The following MAK variants were observed in gnomAD, a reference collection of about 807,000 sequenced individuals.
The protein encoded by MAK is male germ cell associated kinase, also known as serine/threonine-protein kinase MAK.
MAK carries 65 observed loss-of-function variants against 82.6 expected under a neutral mutation model. The observed-to-expected ratio is 0.79, with a 90% CI of 0.64 to 0.97. The LOEUF is 0.97. Among genes scored for constraint, MAK ranks in the 50% least tolerant of loss-of-function variants. MAK has a pLI of 0.00. For missense variants in MAK, 703 were observed against 780.2 expected (o/e 0.90, Z 1.18); for synonymous variants, 250 against 274.2 (o/e 0.91, Z 0.87).
In MAK at chr6:10,763,554, A is replaced by G; in HGVS notation, c.*898T>C. On this transcript the variant is annotated 3_prime_UTR_variant, in exon 15 of 15. Transcript: ENST00000354489. ...AAAGATAAATTTATTTCTAAAAAAA[A>G]AAAAAAAAAGCTGGGCACTGTGGCT... The G allele has an allele frequency of 6.6e-6, 1 of 151,852 alleles. No individual in the cohort carries two copies. Among genetic ancestry groups the G allele is most frequent in the East Asian group, 1.9e-4 (1 of 5,186 alleles). The allele number at this position is 151,852 out of a possible 1,614,324, so 9.4% of individuals were successfully genotyped here. A position where few individuals can be genotyped will look rare whatever the true frequency, so the allele number is the denominator to read the frequency against.
chr6:10,777,700 G>A (rs1283530758), intron 11 of MAK, among the ~76,000 whole-genome samples: 3 of 152,070 alleles, frequency 2.0e-5, no homozygotes, highest in Non-Finnish European at 4.4e-5. Context: ...GTGCAATGGC[G>A]TGATCTCAGC....
intron 5 of MAK, among the ~76,000 whole-genome samples, chr6:10,809,308 A>G (rs954400088): frequency 1.3e-5 from 2 of 152,184 alleles, no homozygotes; most frequent in Non-Finnish European, 2.9e-5. Context: ...CTATTGTGCA[A>G]TAGAGGAGGA....
rs1239811074 is a variant in MAK at position 10,784,446 on chromosome 6, C to A, written c.1443G>T (p.Leu481Phe). 1.2e-6 allele frequency: 2 copies of A among 1,614,160 alleles called. No individual in the cohort carries two copies. Among genetic ancestry groups the A allele is most frequent in the Non-Finnish European group, 1.7e-6 (2 of 1,180,026 alleles). Residue 481 changes from leucine (L) to phenylalanine (F), a missense_variant, in exon 11 of 15, where the codon TTG becomes TTT. Transcript: ENST00000354489. ...STAPTSKQYY[L>F]KQSRYLPGVN... ...TACCTGGAAGATATCTTGATTGTTTCAAGTAGTACTGTTTAGAGGTTGGAG... is the reference window on the plus strand; with the variant it reads ...TACCTGGAAGATATCTTGATTGTTTAAAGTAGTACTGTTTAGAGGTTGGAG...
rs1205621706 is a variant in MAK at position 10,763,005 on chromosome 6, A to AT, written c.*1446_*1447insA. 6.6e-6 allele frequency: 1 copy of AT among 152,660 alleles called. No homozygotes were observed. The highest frequency in any genetic ancestry group is 1.5e-5 in the Non-Finnish European group (1 of 68,048). The allele number at this position is 152,660 out of a possible 1,614,324, so 9.5% of individuals were successfully genotyped here. Reference sequence around the variant, plus strand: ...GTTACAAAGTCACAAAATACATAAAAATCTCAGCAGTTGGTAACATTATTA... The same window carrying AT: ...GTTACAAAGTCACAAAATACATAAAATATCTCAGCAGTTGGTAACATTATTA... On this transcript the variant is annotated 3_prime_UTR_variant, in exon 15 of 15. Transcript: ENST00000354489.
Position 10,796,267 on chromosome 6 carries a change from G to T in MAK, c.874C>A (p.Pro292Thr). The T allele has an allele frequency of 6.2e-7, 1 of 1,613,020 alleles. No individual in the cohort carries two copies. Among genetic ancestry groups the T allele is most frequent in the East Asian group, 2.2e-5 (1 of 44,858 alleles). The change falls in exon 9 of 15, where the codon CCT (proline) becomes ACT (threonine). Residue 292 changes from proline to threonine, a missense_variant. Pro to Thr is a conservative substitution (Grantham distance 38). Coordinates refer to ENST00000354489, the MANE Select transcript of MAK (RefSeq NM_001242957.3). ...PYFQVGQVLG[P>T]SSNHLESKQS... ...TTTGATTCCAGATGATTTGACGAAG[G>T]GCCTAATACCTGACCAACTTGAAAA...
rs1436110982 is a variant in MAK, at chr6:10,770,191, T to C, written c.1712A>G (p.Tyr571Cys). The C allele has an allele frequency of 2.2e-5, 36 of 1,614,022 alleles. No homozygotes were observed. The highest frequency in any genetic ancestry group is 2.7e-5 in the Non-Finnish European group (32 of 1,180,012). The change falls in exon 14 of 15, where the codon TAT (tyrosine) becomes TGT (cysteine). Residue 571 changes from tyrosine to cysteine, a missense_variant. Physicochemically the swap from Tyr to Cys is radical, Grantham distance 194. Coordinates refer to ENST00000354489, the MANE Select transcript of MAK (RefSeq NM_001242957.3). ...GSYATYNQSG[Y>C]IPSFLKKEVQ... The stretch of plus-strand genomic sequence containing the variant: ...TTCTTTTTTGAGAAAGGAAGGAATA[T>C]ATCCTGACTGATTGTAAGTAGCATA...
intron 4 of MAK, among the ~76,000 whole-genome samples, chr6:10,816,554 T>G (rs913036020): frequency 6.6e-6 from 1 of 152,154 alleles, no homozygotes; most frequent in Admixed American, 6.6e-5. Context: ...ACCACCTGAT[T>G]AAGAAACTTT....
At chr6:10,780,065 A>C (rs1458548271) in intron 11 of MAK, among the ~76,000 whole-genome samples, 1 of 152,230 alleles carries the variant, frequency 6.6e-6, no homozygotes, top group African/African-American at 2.4e-5. Flanking sequence ...ATGTCTGTCC[A>C]GGTGACTGAA....
At chr6:10,787,845 A>G (rs1211430118) in intron 10 of MAK, among the ~76,000 whole-genome samples, 2 of 114,266 alleles carry the variant, frequency 1.8e-5, no homozygotes, top group African/African-American at 7.2e-5. Context: ...TGGGTGACAG[A>G]GCGAGACTGT....
intron 8 of MAK, among the ~76,000 whole-genome samples, chr6:10,801,232 C>G (rs1382872053): frequency 6.6e-6 from 1 of 152,098 alleles, no homozygotes; most frequent in Non-Finnish European, 1.5e-5. Flanking sequence ...TTAAAAAAAG[C>G]AAAATAAATT....
intron 5 of MAK, among the ~76,000 whole-genome samples, chr6:10,812,075 C>T (rs955868202): frequency 1.3e-5 from 2 of 152,094 alleles, no homozygotes; most frequent in African/African-American, 4.8e-5. Context: ...AAGCGTGCGC[C>T]TGTAGTCCCA....
At chr6:10,828,133 CTA>C (rs1235775843) in intron 2 of MAK, among the ~76,000 whole-genome samples, 1 of 152,078 alleles carries the variant, frequency 6.6e-6, no homozygotes, top group East Asian at 1.9e-4. Context: ...ATGATAATGA[CTA>C]TTTAAAAATA....
intron 11 of MAK, chr6:10,779,450 G>T (rs1276312617): frequency 2.0e-6 from 2 of 985,138 alleles, no homozygotes; most frequent in Non-Finnish European, 2.4e-6. Context: ...TTCCCTGAAG[G>T]CCAGTGTCAC....
At chr6:10,821,439 C>T (rs1003029203) in intron 2 of MAK, among the ~76,000 whole-genome samples, 1 of 152,052 alleles carries the variant, frequency 6.6e-6, no homozygotes, top group Admixed American at 6.6e-5. Context: ...CCAAGCTCGA[C>T]TAATTTTTGT....
intron 11 of MAK, among the ~76,000 whole-genome samples, chr6:10,779,717 T>G (rs996401691): frequency 2.6e-5 from 4 of 152,138 alleles, no homozygotes; most frequent in African/African-American, 9.7e-5. Context: ...ACAGTTTCAC[T>G]CTTGTTGCCC....
chr6:10,779,428 T>C, intron 11 of MAK: 1 of 985,300 alleles, frequency 1.0e-6, no homozygotes, highest in Non-Finnish European at 1.2e-6. Context: ...TAACTATGAC[T>C]CTTGCGTCTC....
chr6:10,762,914 T>C lies in MAK; in HGVS notation c.*1538A>G, dbSNP rs1159751477. The C allele has an allele frequency of 6.6e-6, 1 of 152,654 alleles. No individual in the cohort carries two copies. Among genetic ancestry groups the C allele is most frequent in the African/African-American group, 2.4e-5 (1 of 41,454 alleles). 9.5% of individuals were successfully genotyped at this position (152,654 alleles called of 1,614,324 possible). On this transcript the variant is annotated 3_prime_UTR_variant, in exon 15 of 15. Transcript: ENST00000354489. ...CAGTTGACTCTTCTATACAAAAATA[T>C]CATTATTATTTTATAATATGCCTTT...
intron 2 of MAK, among the ~76,000 whole-genome samples, chr6:10,826,402 A>C (rs1778374315): frequency 6.6e-6 from 1 of 152,158 alleles, no homozygotes; most frequent in Non-Finnish European, 1.5e-5. Context: ...TAACTTCTTG[A>C]ATCTGTTGGT....
intron 10 of MAK, among the ~76,000 whole-genome samples, chr6:10,785,960 C>T (rs9356982): frequency 9.2e-5 from 14 of 152,126 alleles, no homozygotes; most frequent in Admixed American, 5.2e-4. Context: ...AAGAAGACAA[C>T]CAGGCTGGGT....
Sources: gnomAD v4.1 joint callset for allele counts (sites outside exome capture counted in the v4.1 genomes callset) on GRCh38, gnomAD v4.1.1 for gene constraint, MANE v1.5 for transcripts, NCBI Gene and HGNC (gene_info 2026-07-23, HGNC 2026-07-21) for gene names.